TMEM117: variants seen among roughly 807,000 people sequenced by gnomAD.
TMEM117 encodes transmembrane protein 117.
Under a neutral mutation model 52.4 loss-of-function variants are expected in TMEM117, and 27 were observed. The observed-to-expected ratio is 0.51, with a 90% CI of 0.38 to 0.71. The LOEUF (loss-of-function observed/expected upper bound fraction) is 0.71, where lower values mean the gene tolerates loss of function less well. TMEM117 is among the 30% of genes least tolerant of loss of function. The pLI, the probability that TMEM117 is intolerant of heterozygous loss-of-function variation, is 0.00. For missense variants in TMEM117, 556 were observed against 630.5 expected (o/e 0.88, Z 1.26); for synonymous variants, 215 against 206.3 (o/e 1.04, Z -0.36).
chr12:43,972,223 A>C (rs1167520903), intron 3 of TMEM117, among the ~76,000 whole-genome samples: 1 of 152,234 alleles, frequency 6.6e-6, no homozygotes, highest in East Asian at 1.9e-4. Context: ...TAATAAGGCA[A>C]CCCAAAGCCA....
intron 3 of TMEM117, among the ~76,000 whole-genome samples, chr12:43,965,925 C>G (rs1313811976): frequency 6.6e-6 from 1 of 152,114 alleles, no homozygotes; most frequent in African/African-American, 2.4e-5. Context: ...CTAGTAGTCC[C>G]TAATGTCTAC....
intron 6 of TMEM117, among the ~76,000 whole-genome samples, chr12:44,317,422 T>C (rs1343219717): frequency 6.6e-6 from 1 of 152,036 alleles, no homozygotes; most frequent in African/African-American, 2.4e-5. Context: ...AGACAAAGTT[T>C]CACACTTGTT....
chr12:43,980,184 A>G (rs1003017649), intron 3 of TMEM117, among the ~76,000 whole-genome samples: 2 of 152,174 alleles, frequency 1.3e-5, no homozygotes, highest in African/African-American at 2.4e-5. Flanking sequence ...ATTTTTGCCC[A>G]GTAATGGCTT....
chr12:44,334,470 C>T (rs759787998), intron 6 of TMEM117, among the ~76,000 whole-genome samples: 3 of 151,996 alleles, frequency 2.0e-5, no homozygotes, highest in Non-Finnish European at 4.4e-5. Flanking sequence ...CATGGTGCAG[C>T]TCTGGGCCTC....
At chr12:44,276,673 A>G (rs1018869094) in intron 5 of TMEM117, among the ~76,000 whole-genome samples, 10 of 152,174 alleles carry the variant, frequency 6.6e-5, no homozygotes, top group African/African-American at 2.4e-4. Context: ...GAGATAATGC[A>G]TATGTCAAAT....
In TMEM117 at chr12:44,221,374, G is replaced by A. The variant is rs75767333; in HGVS notation, c.608+9987G>A. Among the ~76,000 whole-genome samples, 878 of 152,254 alleles carry A rather than the reference G, an allele frequency of 5.8e-3. 4 individuals carry two copies. The highest frequency in any genetic ancestry group is 1.0e-2 in the Non-Finnish European group (679 of 68,018). ...TTGCCTACTTATGCATAAACCTCAAGGCTGTAGCAACCACTCTCTTATAGC... is the reference window on the plus strand; with the variant it reads ...TTGCCTACTTATGCATAAACCTCAAAGCTGTAGCAACCACTCTCTTATAGC... On this transcript the variant is annotated intron_variant, in intron 5 of 7. Coordinates refer to ENST00000266534, the MANE Select transcript of TMEM117 (RefSeq NM_032256.3).
intron 6 of TMEM117, among the ~76,000 whole-genome samples, chr12:44,371,787 C>T (rs1298453518): frequency 2.0e-5 from 3 of 152,118 alleles, no homozygotes; most frequent in Non-Finnish European, 4.4e-5. Flanking sequence ...ACGATCTTGC[C>T]TACATATTTA....
Position 44,376,663 on chromosome 12 carries a change from G to A in TMEM117, c.837G>A (p.Met279Ile). 1 of 1,612,460 alleles carries A rather than the reference G, an allele frequency of 6.2e-7. No individual in the cohort carries two copies. The highest frequency in any genetic ancestry group is 1.3e-5 in the African/African-American group (1 of 74,978). ...VNLPGLHTPHMQFKIPFFQKI... is the reference protein window; with the variant it reads ...VNLPGLHTPHIQFKIPFFQKI... Reference sequence around the variant, plus strand: ...TCCCTGGTTTGCACACCCCTCACATGCAGTTCAAGATTCCTTTCTTCCAGA... The same window carrying A: ...TCCCTGGTTTGCACACCCCTCACATACAGTTCAAGATTCCTTTCTTCCAGA... The change falls in exon 7 of 8, where the codon ATG (methionine) becomes ATA (isoleucine). Residue 279 changes from methionine (M) to isoleucine (I), a missense_variant. Transcript: ENST00000266534.
At chr12:44,305,971 C>T (rs1219134295) in intron 6 of TMEM117, among the ~76,000 whole-genome samples, 1 of 152,182 alleles carries the variant, frequency 6.6e-6, no homozygotes, top group African/African-American at 2.4e-5. Context: ...ATGTCCTTTA[C>T]AGCAACATGG....
chr12:44,196,784 A>C (rs1434122221), intron 4 of TMEM117, among the ~76,000 whole-genome samples: 1 of 152,222 alleles, frequency 6.6e-6, no homozygotes, highest in African/African-American at 2.4e-5. Context: ...TTCAAGCAAC[A>C]ATAAAATATA....
chr12:44,007,403 CT>C (rs1016092519), intron 3 of TMEM117, among the ~76,000 whole-genome samples: 14 of 151,334 alleles, frequency 9.3e-5, no homozygotes, highest in Admixed American at 2.6e-4. Flanking sequence ...TAAATTTCCT[CT>C]TTTTTTTTCT....
chr12:44,153,998 C>G (rs1948791183), intron 4 of TMEM117, among the ~76,000 whole-genome samples: 1 of 151,990 alleles, frequency 6.6e-6, no homozygotes, highest in African/African-American at 2.4e-5. Flanking sequence ...ATATTCTTCT[C>G]TTATATATCT....
At chr12:43,859,555 A>C (rs1243614946) in intron 2 of TMEM117, among the ~76,000 whole-genome samples, 1 of 151,328 alleles carries the variant, frequency 6.6e-6, no homozygotes, top group Non-Finnish European at 1.5e-5. Context: ...TTTTTTGATC[A>C]AAAAGATGAC....
At chr12:44,298,752 A>G (rs1005370698) in intron 5 of TMEM117, among the ~76,000 whole-genome samples, 11 of 150,894 alleles carry the variant, frequency 7.3e-5, no homozygotes, top group Non-Finnish European at 1.6e-4. Context: ...AGGTCACTAG[A>G]CCACAAGCCA....
the TMEM117 span, among the ~76,000 whole-genome samples, chr12:43,829,905 T>G: frequency 2.5e-4 from 38 of 151,800 alleles, 1 homozygote; most frequent in Admixed American, 2.5e-3. Context: ...CTGACCAACA[T>G]GGTGAAACCC....
chr12:43,805,975 C>T, the TMEM117 span: 2 of 1,544,044 alleles, frequency 1.3e-6, no homozygotes, highest in South Asian at 2.3e-5. Flanking sequence ...AAGCCAATTT[C>T]CTTCGCTCCC....
chr12:44,228,900 G>C (rs773095295), intron 5 of TMEM117, among the ~76,000 whole-genome samples: 1 of 152,094 alleles, frequency 6.6e-6, no homozygotes, highest in Non-Finnish European at 1.5e-5. Flanking sequence ...TGAAATTTTA[G>C]GCAACTTTAT....
intron 3 of TMEM117, among the ~76,000 whole-genome samples, chr12:44,040,687 G>C (rs1946783187): frequency 6.6e-6 from 1 of 152,108 alleles, no homozygotes; most frequent in Non-Finnish European, 1.5e-5. Flanking sequence ...AATGTTAGTG[G>C]TAATGAAAAG....
At chr12:44,166,732 T>C (rs1307685562) in intron 4 of TMEM117, among the ~76,000 whole-genome samples, 1 of 152,216 alleles carries the variant, frequency 6.6e-6, no homozygotes, top group Non-Finnish European at 1.5e-5. Context: ...TTCACATGAA[T>C]TTAAGCATCC....
Sources: gnomAD v4.1 joint callset for allele counts (sites outside exome capture counted in the v4.1 genomes callset) on GRCh38, gnomAD v4.1.1 for gene constraint, MANE v1.5 for transcripts, NCBI Gene and HGNC (gene_info 2026-07-23, HGNC 2026-07-21) for gene names.